HERC1: variants seen among roughly 807,000 people sequenced by gnomAD.
HERC1 encodes the protein probable E3 ubiquitin-protein ligase HERC1.
HERC1 carries 160 observed loss-of-function variants against 554.3 expected under a neutral mutation model. The ratio of observed to expected loss-of-function variants is 0.29; its 90% CI spans 0.25 to 0.33. HERC1 has a LOEUF of 0.33. Among genes scored for constraint, HERC1 ranks in the 10% least tolerant of loss-of-function variants. HERC1 has a pLI of 1.00. For synonymous variants in HERC1, 2,175 were observed against 2,131.7 expected (o/e 1.02, Z -0.56); for missense variants, 4,919 against 5,918.5 (o/e 0.83, Z 5.54).
rs2152921985 is a variant in HERC1, at chr15:63,658,614, C to A, written c.9529G>T (p.Val3177Leu). The change falls in exon 48 of 78, where the codon GTG (valine) becomes TTG (leucine). Residue 3177 changes from valine (V) to leucine (L), a missense_variant. Around this residue, in one of 11 missense-constraint regions of HERC1, gnomAD observed 1,963 missense variants for 2,228.6 expected, o/e 0.88. Coordinates refer to ENST00000443617, the MANE Select transcript of HERC1 (RefSeq NM_003922.4). ...AGAAGAACCTGAGCAGCAGCAGTCA[C>A]TCTCCTTAAAGCCACCACACGGTCA... The part of the protein sequence containing the change: ...PHDRVVALRR[V>L]TAAAQVLLAR... 1.2e-6 allele frequency: 2 copies of A among 1,613,990 alleles called. No individual in the cohort carries two copies. The highest frequency in any genetic ancestry group is 8.5e-7 in the Non-Finnish European group (1 of 1,179,852).
At chr15:63,804,924 A>G (rs2077094138) in intron 1 of HERC1, among the ~76,000 whole-genome samples, 1 of 152,244 alleles carries the variant, frequency 6.6e-6, no homozygotes, top group Non-Finnish European at 1.5e-5. Flanking sequence ...CAATTTAAAG[A>G]CACAGATAAT....
intron 2 of HERC1, among the ~76,000 whole-genome samples, chr15:63,773,934 C>T (rs181081154): frequency 8.1e-4 from 124 of 152,218 alleles, no homozygotes; most frequent in Middle Eastern, 6.8e-3. Flanking sequence ...GATTATACTA[C>T]GCTATTTTAT....
chr15:63,669,025 A>G (rs1332320104), intron 40 of HERC1, among the ~76,000 whole-genome samples: 1 of 152,238 alleles, frequency 6.6e-6, no homozygotes, highest in Non-Finnish European at 1.5e-5. Flanking sequence ...AGGCTGTAAG[A>G]CAAGTCTCAA....
rs370817523 is a variant in HERC1 at position 63,677,925 on chromosome 15, G to A, written c.6990C>T (p.Arg2330=). The change falls in exon 37 of 78, where the codon CGC becomes CGT. Residue 2330 remains arginine, a synonymous_variant. Coordinates refer to ENST00000443617, the MANE Select transcript of HERC1 (RefSeq NM_003922.4). The surrounding 1 kb of genome is among the most constrained non-coding windows in gnomAD (Gnocchi z 4.4). ...GGRCVHKQTG[R]HATLLGVVKE... ...TGACCACTCCCAGCAGCGTGGCATGGCGCCCAGTTTGCTTGTGAACACACC... is the reference window on the plus strand; with the variant it reads ...TGACCACTCCCAGCAGCGTGGCATGACGCCCAGTTTGCTTGTGAACACACC... 1.9e-5 allele frequency: 30 copies of A among 1,613,886 alleles called. No individual in the cohort carries two copies. Among genetic ancestry groups the A allele is most frequent in the African/African-American group, 2.7e-5 (2 of 74,922 alleles).
chr15:63,660,505 C>T (rs2070300744), intron 46 of HERC1, among the ~76,000 whole-genome samples: 1 of 152,056 alleles, frequency 6.6e-6, no homozygotes, highest in Non-Finnish European at 1.5e-5. Context: ...AAGTTGACAG[C>T]AATAGCAAAT....
Position 63,753,054 on chromosome 15 carries a change from CACT to C in HERC1, c.1803_1805del (p.Val602del). On this transcript the variant is annotated inframe_deletion, in exon 8 of 78. Coordinates refer to ENST00000443617, the MANE Select transcript of HERC1 (RefSeq NM_003922.4). ...AAGCTTCAATAACTTTAGGTTTATA[CACT>C]CTGTTGGTATCACCATGACCAAGTT... 6.2e-7 allele frequency: 1 copy of C among 1,611,478 alleles called. No homozygotes were observed.
chr15:63,755,474 C>A, intron 5 of HERC1, 149 bp from the exon 6 acceptor site: 1 of 666,078 alleles, frequency 1.5e-6, no homozygotes, highest in Non-Finnish European at 2.7e-6. Flanking sequence ...GTGTTCAGGC[C>A]AAGGATGACT....
intron 33 of HERC1, 132 bp downstream of exon 33, chr15:63,689,457 G>A (rs1439181274): frequency 3.4e-6 from 2 of 581,648 alleles, no homozygotes; most frequent in East Asian, 5.8e-5. Context: ...AGTGGAAAGG[G>A]AGACAGAATG....
chr15:63,810,973 G>T (rs1369598703), intron 1 of HERC1, among the ~76,000 whole-genome samples: 1 of 151,992 alleles, frequency 6.6e-6, no homozygotes, highest in Admixed American at 6.6e-5. Flanking sequence ...CACATTGTAG[G>T]ACATTGTATA....
chr15:63,623,954 T>A (rs1439179580), intron 72 of HERC1, 64 bp from the exon 73 acceptor site: 1 of 1,538,106 alleles, frequency 6.5e-7, no homozygotes, highest in African/African-American at 1.4e-5. Context: ...AATCACATGA[T>A]ATCTTCCCAT....
chr15:63,691,665 G>T, intron 31 of HERC1, among the ~76,000 whole-genome samples: 1 of 151,864 alleles, frequency 6.6e-6, no homozygotes, highest in East Asian at 1.9e-4. Flanking sequence ...GCAGTTGTAA[G>T]TTATACTAAT....
At position 63,654,116 on chromosome 15, in the gene HERC1, T is replaced by TA; in HGVS notation, c.10290+2dup. The TA allele has an allele frequency of 6.2e-7, 1 of 1,605,760 alleles. No individual in the cohort carries two copies. ...TAACACACTTTCCACTCAAAATACT[T>TA]ACTCTGTTCTGATGAGCCTCCAATT... On this transcript the variant is annotated splice_region_variant and intron_variant, in intron 51 of 77. Transcript: ENST00000443617.
chr15:63,781,735 A>C (rs1271688518), intron 1 of HERC1, among the ~76,000 whole-genome samples: 2 of 152,234 alleles, frequency 1.3e-5, no homozygotes, highest in Admixed American at 6.5e-5. Context: ...GATTAAGTTT[A>C]GTGAGGAAGG....
intron 70 of HERC1, among the ~76,000 whole-genome samples, chr15:63,626,613 G>C (rs2068311045): frequency 2.0e-5 from 3 of 152,176 alleles, no homozygotes; most frequent in South Asian, 2.1e-4. Flanking sequence ...CTGATAGCAA[G>C]TATTCATGAC....
chr15:63,744,110 CTGTGTGTGTGTGTGTGTG>C (rs142936354), intron 12 of HERC1, among the ~76,000 whole-genome samples: 4 of 93,358 alleles, frequency 4.3e-5, no homozygotes, highest in South Asian at 4.6e-4. Flanking sequence ...CCCAAACAGA[CTGTGTGTGTGTGTGTGTG>C]TGTGTGTGTG....
chr15:63,694,171 A>C lies in HERC1; in HGVS notation c.5481-14T>G. ...TCAGCATAGGTCCTATGTGAAATAA[A>C]AGAAAAAAATAAGTGGCAAACACAC... On this transcript the variant is annotated splice_polypyrimidine_tract_variant and intron_variant, in intron 29 of 77. Coordinates refer to ENST00000443617, the MANE Select transcript of HERC1 (RefSeq NM_003922.4). The surrounding 1 kb of genome is among the most constrained non-coding windows in gnomAD (Gnocchi z 4.3). 1 of 1,582,290 alleles carries C rather than the reference A, an allele frequency of 6.3e-7. No homozygotes were observed. Among genetic ancestry groups the C allele is most frequent in the Non-Finnish European group, 8.6e-7 (1 of 1,164,964 alleles).
At chr15:63,801,269 G>C (rs1596289205) in intron 1 of HERC1, among the ~76,000 whole-genome samples, 1 of 152,290 alleles carries the variant, frequency 6.6e-6, no homozygotes, top group African/African-American at 2.4e-5. Flanking sequence ...GGTAGTTGTA[G>C]GAACTCCCCC....
Position 63,678,329 on chromosome 15 carries a change from G to C in HERC1, c.6586C>G (p.Arg2196Gly), listed in dbSNP as rs774206954. 6.2e-7 allele frequency: 1 copy of C among 1,610,490 alleles called. No homozygotes were observed. The change falls in exon 37 of 78, where the codon CGA (arginine) becomes GGA (glycine). Residue 2196 changes from arginine (R) to glycine (G), a missense_variant. Physicochemically the swap from Arg to Gly is moderately radical, Grantham distance 125. This residue lies in a region of HERC1 where 1,963 missense variants were observed against 2,228.6 expected (regional missense o/e 0.88). Transcript: ENST00000443617. ...ATAGGGTCTCCTGGAAGTAAGTCTC[G>C]GGGTGTGCCACGCATCTGCATATCA... Reference protein sequence around the residue: ...ICDMQMRGTPRDLLPGDPICS... With the variant: ...ICDMQMRGTPGDLLPGDPICS...
intron 12 of HERC1, among the ~76,000 whole-genome samples, chr15:63,745,229 G>C (rs1009924203): frequency 2.0e-5 from 3 of 152,154 alleles, no homozygotes; most frequent in Admixed American, 2.0e-4. Context: ...GGGGAGGCGG[G>C]GGGTGAGCCA....
Sources: gnomAD v4.1 joint callset for allele counts (sites outside exome capture counted in the v4.1 genomes callset) on GRCh38, gnomAD v4.1.1 for gene constraint, gnomAD v4.1.1 regional missense constraint, Gnocchi (gnomAD v3.1) non-coding constraint, MANE v1.5 for transcripts, NCBI Gene and HGNC (gene_info 2026-07-23, HGNC 2026-07-21) for gene names.